CNTNAP3B: variants seen among roughly 807,000 people sequenced by gnomAD.
CNTNAP3B encodes the protein contactin associated protein family member 3B.
A neutral mutation model predicts 108.9 loss-of-function variants in CNTNAP3B; 25 were observed. The observed-to-expected ratio is 0.23, with a 90% CI of 0.17 to 0.32. The LOEUF (loss-of-function observed/expected upper bound fraction) is 0.32, where lower values mean the gene tolerates loss of function less well. Ranked by LOEUF, CNTNAP3B falls within the 10% of genes least tolerant of loss-of-function variation. The pLI is 1.00. For missense variants in CNTNAP3B, 252 were observed against 1,210.4 expected (o/e 0.21, Z 11.75); for synonymous variants, 103 against 473.4 (o/e 0.22, Z 10.16).
intron 14 of CNTNAP3B, among the ~76,000 whole-genome samples, chr9:41,937,077 G>T: frequency 7.2e-6 from 1 of 138,570 alleles, no homozygotes. Flanking sequence ...CAATTATACT[G>T]ACACCTGGAA....
intron 3 of CNTNAP3B, among the ~76,000 whole-genome samples, chr9:42,037,334 A>G (rs1402668859): frequency 1.7e-5 from 2 of 114,612 alleles, no homozygotes; most frequent in Non-Finnish European, 3.6e-5. Context: ...AACTTCTCTG[A>G]GCTAAAGGAG....
intron 14 of CNTNAP3B, among the ~76,000 whole-genome samples, chr9:41,930,931 T>A (rs1200390458): frequency 1.8e-4 from 28 of 152,236 alleles, no homozygotes; most frequent in East Asian, 1.5e-3. Context: ...TATAATAAAA[T>A]GCTTATATTT....
At chr9:41,937,447 G>A (rs1310403108) in intron 14 of CNTNAP3B, among the ~76,000 whole-genome samples, 52 of 148,492 alleles carry the variant, frequency 3.5e-4, no homozygotes, top group Middle Eastern at 3.4e-3. Context: ...TTTAAAGCAC[G>A]TACTCTACAC....
chr9:41,987,466 G>GATAAA (rs1179979553), intron 8 of CNTNAP3B, among the ~76,000 whole-genome samples: 3 of 85,470 alleles, frequency 3.5e-5, no homozygotes, highest in Non-Finnish European at 5.1e-5. Context: ...GTCTCAAAAA[G>GATAAA]ATAAAATAAA....
Position 41,935,261 on chromosome 9 carries a change from C to A in CNTNAP3B, c.2237+2983G>T, listed in dbSNP as rs935566867. 4.6e-5 allele frequency among the ~76,000 whole-genome samples: 7 copies of A among 152,192 alleles called. No individual in the cohort carries two copies. The South Asian group carries it at 6.2e-4, about 13-fold the overall frequency. ...CTTTTTTTTAAGTAATATGCTTAGA[C>A]GAGTTGCTGATTACAGGGACAACTT... On this transcript the variant is annotated intron_variant, in intron 14 of 23. Coordinates refer to ENST00000377561, the MANE Select transcript of CNTNAP3B (RefSeq NM_001201380.3).
chr9:41,928,434 G>C (rs548834766), intron 15 of CNTNAP3B, among the ~76,000 whole-genome samples: 5 of 151,908 alleles, frequency 3.3e-5, no homozygotes, highest in East Asian at 3.9e-4. Context: ...GCCGGTCCCC[G>C]CCCTCTCTGG....
intron 9 of CNTNAP3B, among the ~76,000 whole-genome samples, chr9:41,973,123 T>A (rs1324354769): frequency 7.0e-5 from 10 of 142,926 alleles, no homozygotes; most frequent in Admixed American, 7.0e-4. Flanking sequence ...TTTTGTATTT[T>A]TTTTCAGTAG....
At chr9:41,934,082 G>A (rs1212527613) in intron 14 of CNTNAP3B, among the ~76,000 whole-genome samples, 436 of 77,630 alleles carry the variant, frequency 5.6e-3, no homozygotes, top group African/African-American at 0.02. Flanking sequence ...GTGTCAATTT[G>A]CCTTTGCATA....
At chr9:41,972,771 T>C (rs1224363150) in intron 9 of CNTNAP3B, among the ~76,000 whole-genome samples, 1 of 136,042 alleles carries the variant, frequency 7.4e-6, no homozygotes, top group East Asian at 2.2e-4. Context: ...GTGAACTTTG[T>C]ATAATTCTAC....
rs1281252543 is a variant in CNTNAP3B, at chr9:41,928,438, T to C, written c.2365+879A>G. On this transcript the variant is annotated intron_variant, in intron 15 of 23. Transcript: ENST00000377561. ...GCAGGAGACAAGCCGGTCCCCGCCC[T>C]CTCTGGGGAGTGAGTACACATCGAT... 2.0e-5 allele frequency among the ~76,000 whole-genome samples: 3 copies of C among 151,984 alleles called. No individual in the cohort carries two copies. In the East Asian group the frequency reaches 5.8e-4, roughly 29 times the overall value.
rs1460442203 is a variant in CNTNAP3B at position 42,112,471 on chromosome 9, T to C, written c.86-7732A>G. On this transcript the variant is annotated intron_variant, in intron 1 of 23. Coordinates refer to ENST00000377561, the MANE Select transcript of CNTNAP3B (RefSeq NM_001201380.3). ...AGCCTTGCCTGCTGACTGATGATTC[T>C]GGGGTGAGGAAGAGAGACTGGCATG... 1.4e-5 allele frequency among the ~76,000 whole-genome samples: 2 copies of C among 138,988 alleles called. 1 individual carries two copies. Among genetic ancestry groups the C allele is most frequent in the Non-Finnish European group, 3.1e-5 (2 of 64,926 alleles). The allele number at this position is 138,988 out of a possible 152,430, so 91.2% of individuals were successfully genotyped here.
At chr9:42,090,971 T>TACAC (rs1437905546) in intron 2 of CNTNAP3B, among the ~76,000 whole-genome samples, 11 of 41,758 alleles carry the variant, frequency 2.6e-4, no homozygotes, top group South Asian at 1.6e-3. Flanking sequence ...AATATATATA[T>TACAC]ATACACACAC....
At chr9:42,018,410 C>G (rs1270469652) in intron 3 of CNTNAP3B, among the ~76,000 whole-genome samples, 1 of 139,212 alleles carries the variant, frequency 7.2e-6, no homozygotes, top group Non-Finnish European at 1.5e-5. Context: ...TGATTCCTCA[C>G]TGAGGAAGGT....
intron 13 of CNTNAP3B, among the ~76,000 whole-genome samples, chr9:41,942,915 C>G (rs201664088): frequency 7.9e-5 from 12 of 151,642 alleles, no homozygotes; most frequent in South Asian, 2.1e-4. Flanking sequence ...GGCTTCCTTA[C>G]CTCAGTTCCT....
chr9:42,032,753 AGACACTT>A (rs1258721181), intron 3 of CNTNAP3B, among the ~76,000 whole-genome samples: 2 of 135,590 alleles, frequency 1.5e-5, no homozygotes, highest in African/African-American at 2.9e-5. Flanking sequence ...TTTAAATAAT[AGACACTT>A]ATTCTCGCAC....
At chr9:41,925,108 C>T (rs956914849) in intron 15 of CNTNAP3B, among the ~76,000 whole-genome samples, 1 of 151,792 alleles carries the variant, frequency 6.6e-6, no homozygotes, top group Non-Finnish European at 1.5e-5. Context: ...TTATTTTTCT[C>T]TTTTTTCATG....
intron 2 of CNTNAP3B, among the ~76,000 whole-genome samples, chr9:42,098,333 G>T (rs1827951278): frequency 7.9e-6 from 1 of 126,208 alleles, no homozygotes; most frequent in South Asian, 2.6e-4. Flanking sequence ...CAGCACTCTG[G>T]GAGGCCGAGA....
intron 3 of CNTNAP3B, among the ~76,000 whole-genome samples, chr9:42,030,066 C>G (rs1349787480): frequency 4.9e-5 from 3 of 60,968 alleles, no homozygotes; most frequent in Non-Finnish European, 8.7e-5. Flanking sequence ...ATGGCATGAA[C>G]CCGGGAGGCG....
At chr9:42,116,344 C>T (rs1467401414) in intron 1 of CNTNAP3B, among the ~76,000 whole-genome samples, 1 of 128,856 alleles carries the variant, frequency 7.8e-6, no homozygotes, top group Non-Finnish European at 1.6e-5. Flanking sequence ...ACTCTACAAG[C>T]CAGAAGAGAG....
Sources: allele counts gnomAD v4.1 joint callset (sites outside exome capture counted in the v4.1 genomes callset), GRCh38; gene constraint gnomAD v4.1.1; transcripts MANE v1.5; gene names NCBI Gene and HGNC (gene_info 2026-07-23, HGNC 2026-07-21).